FUT8: variants seen among roughly 807,000 people sequenced by gnomAD.
FUT8 encodes fucosyltransferase 8.
FUT8 carries 29 observed loss-of-function variants against 71.3 expected under a neutral mutation model. That is an observed-to-expected ratio of 0.41 (90% confidence interval 0.30 to 0.55). The LOEUF (loss-of-function observed/expected upper bound fraction) is 0.55, where lower values mean the gene tolerates loss of function less well. Ranked by LOEUF, FUT8 falls within the 20% of genes least tolerant of loss-of-function variation. FUT8 has a pLI of 0.34. For missense variants in FUT8, 544 were observed against 702.1 expected (o/e 0.77, Z 2.55); for synonymous variants, 254 against 239.3 (o/e 1.06, Z -0.57).
At chr14:65,675,718 G>C (rs1197397358) in intron 7 of FUT8, among the ~76,000 whole-genome samples, 1 of 152,082 alleles carries the variant, frequency 6.6e-6, no homozygotes. Context: ...GGCCGGGCGC[G>C]GTGGCTCACG....
Position 65,471,243 on chromosome 14 carries a change from A to G in FUT8, c.-228+15525A>G, listed in dbSNP as rs2066142250. ...TCTCTTTTTCTCGGTCAAAGGATAG[A>G]TGGGGCTGGAGTTGGGTATTTCCCT... is the stretch of plus-strand genomic sequence containing the variant. On this transcript the variant is annotated intron_variant, in intron 2 of 10. Transcript: ENST00000673929. 4 of 177,542 alleles carry G rather than the reference A, an allele frequency of 2.3e-5. No homozygotes were observed. In the South Asian group the frequency reaches 6.2e-4, roughly 27 times the overall value. 11.0% of individuals were successfully genotyped at this position (177,542 alleles called of 1,614,324 possible).
intron 7 of FUT8, among the ~76,000 whole-genome samples, chr14:65,691,018 G>A (rs989558592): frequency 2.0e-5 from 3 of 147,372 alleles, no homozygotes; most frequent in Non-Finnish European, 2.9e-5. Context: ...GAGCCACCAC[G>A]CCCAGCCACA....
At position 65,496,340 on chromosome 14, in the gene FUT8, A is replaced by C. The variant is rs143529977; in HGVS notation, c.-228+40622A>C. 5.3e-5 allele frequency among the ~76,000 whole-genome samples: 8 copies of C among 152,318 alleles called. No homozygotes were observed. In the East Asian group the frequency reaches 1.5e-3, roughly 29 times the overall value. ...AGCAACCTCAACCCATCATAGTCCT[A>C]TGACTGCCCTTCTTTCACTTTTAGT... On this transcript the variant is annotated intron_variant, in intron 2 of 10. Coordinates refer to ENST00000673929, the MANE Select transcript of FUT8 (RefSeq NM_001371533.1).
intron 2 of FUT8, among the ~76,000 whole-genome samples, chr14:65,484,825 T>G (rs1253035676): frequency 6.6e-6 from 1 of 152,208 alleles, no homozygotes; most frequent in Non-Finnish European, 1.5e-5. Flanking sequence ...CTCTTTATAT[T>G]CTTTTTGTGT....
At position 65,632,013 on chromosome 14, in the gene FUT8, C is replaced by T. The variant is rs546694837; in HGVS notation, c.597+2407C>T. Among the ~76,000 whole-genome samples the T allele has an allele frequency of 3.3e-5, 5 of 152,330 alleles. No homozygotes were observed. In the South Asian group the frequency reaches 1.0e-3, roughly 32 times the overall value. On this transcript the variant is annotated intron_variant, in intron 6 of 10. Coordinates refer to ENST00000673929, the MANE Select transcript of FUT8 (RefSeq NM_001371533.1). Reference sequence around the variant, plus strand: ...ATAGTCTCCAATCTCATGGAAGTCGCTGCAAATGTCGTTAATTCATTCCTT... The same window carrying T: ...ATAGTCTCCAATCTCATGGAAGTCGTTGCAAATGTCGTTAATTCATTCCTT...
chr14:65,473,985 C>T (rs2066189662), intron 2 of FUT8, among the ~76,000 whole-genome samples: 1 of 152,110 alleles, frequency 6.6e-6, no homozygotes, highest in Non-Finnish European at 1.5e-5. Context: ...AATGAAATAA[C>T]ATTTTTGCAG....
At chr14:65,693,588 T>C (rs1893829563) in intron 7 of FUT8, among the ~76,000 whole-genome samples, 1 of 152,206 alleles carries the variant, frequency 6.6e-6, no homozygotes, top group Non-Finnish European at 1.5e-5. Flanking sequence ...ATTGTTAGGT[T>C]TGATTTGCTA....
intron 2 of FUT8, among the ~76,000 whole-genome samples, chr14:65,549,793 C>T (rs1233621934): frequency 6.6e-6 from 1 of 152,228 alleles, no homozygotes; most frequent in African/African-American, 2.4e-5. Flanking sequence ...GTCCTATCAA[C>T]AGTGGCTACC....
At chr14:65,613,043 C>T (rs536642645) in intron 3 of FUT8, among the ~76,000 whole-genome samples, 1 of 147,010 alleles carries the variant, frequency 6.8e-6, no homozygotes, top group African/African-American at 2.5e-5. Flanking sequence ...ATTTTCTTTT[C>T]CAGTTTTTTT....
intron 7 of FUT8, among the ~76,000 whole-genome samples, chr14:65,677,147 T>TGCGC (rs1450622099): frequency 5.8e-5 from 6 of 102,808 alleles, no homozygotes; most frequent in Admixed American, 2.0e-4. Context: ...TGTGTGTGTG[T>TGCGC]GTGTGCGCGC....
intron 6 of FUT8, among the ~76,000 whole-genome samples, chr14:65,662,005 G>C (rs527789744): frequency 6.6e-6 from 1 of 152,216 alleles, no homozygotes; most frequent in African/African-American, 2.4e-5. Flanking sequence ...TTCAAGTATT[G>C]TTCCTAATTG....
chr14:65,652,261 C>T lies in FUT8; in HGVS notation c.598-16982C>T, dbSNP rs191543606. On this transcript the variant is annotated intron_variant, in intron 6 of 10. Transcript: ENST00000673929. This position sits in a 1 kb window ranked among gnomAD's most constrained non-coding sequence, Gnocchi z 4.0. The stretch of plus-strand genomic sequence containing the variant: ...CCAGAAGCTGGAAAGGCCAGATACT[C>T]GCTTTCCTAGCACCCTCCCTGTTTT... 2.0e-5 allele frequency among the ~76,000 whole-genome samples: 3 copies of T among 152,222 alleles called. No individual in the cohort carries two copies. Among genetic ancestry groups the T allele is most frequent in the African/African-American group, 4.8e-5 (2 of 41,458 alleles).
chr14:65,544,534 TAA>T (rs955989185), intron 2 of FUT8, among the ~76,000 whole-genome samples: 4 of 152,148 alleles, frequency 2.6e-5, no homozygotes, highest in Admixed American at 6.5e-5. Context: ...TCAGCAGTAT[TAA>T]TTTATTTAGG....
the FUT8 span, among the ~76,000 whole-genome samples, chr14:65,403,210 A>G: frequency 6.6e-6 from 1 of 152,190 alleles, no homozygotes; most frequent in African/African-American, 2.4e-5. Flanking sequence ...ATTATATGTA[A>G]TAACTTATTT....
intron 3 of FUT8, among the ~76,000 whole-genome samples, chr14:65,587,188 CAA>C (rs552458003): frequency 4.8e-5 from 3 of 62,872 alleles, no homozygotes; most frequent in Non-Finnish European, 3.4e-5. Flanking sequence ...GACTCTGTCT[CAA>C]AAAAAAAAAA....
chr14:65,437,778 A>G (rs146937784), intron 1 of FUT8, among the ~76,000 whole-genome samples: 2,638 of 152,288 alleles, frequency 0.017, 51 homozygotes, highest in Non-Finnish European at 0.019. Flanking sequence ...AGGAGATTAG[A>G]TGTGCTTTAT....
Position 65,703,525 on chromosome 14 carries a change from C to G in FUT8, c.836-18250C>G, listed in dbSNP as rs77098995. Among the ~76,000 whole-genome samples, 352 of 152,312 alleles carry G rather than the reference C, an allele frequency of 2.3e-3. 1 individual carries two copies. The highest frequency in any genetic ancestry group is 8.4e-3 in the African/African-American group (348 of 41,570). ...TAGCTCTCTTTCTAGAGATTTTACACAGCGCAAAAGGAAGGGAGAGTGGAG... is the reference window on the plus strand; with the variant it reads ...TAGCTCTCTTTCTAGAGATTTTACAGAGCGCAAAAGGAAGGGAGAGTGGAG... On this transcript the variant is annotated intron_variant, in intron 7 of 10. Transcript: ENST00000673929.
intron 7 of FUT8, among the ~76,000 whole-genome samples, chr14:65,691,869 T>G (rs905403026): frequency 4.6e-5 from 7 of 152,208 alleles, no homozygotes; most frequent in Admixed American, 3.3e-4. Context: ...CTTAATCCAT[T>G]TAACCCTGAG....
intron 7 of FUT8, among the ~76,000 whole-genome samples, chr14:65,706,238 T>G (rs766211376): frequency 3.4e-4 from 51 of 152,154 alleles, no homozygotes; most frequent in Non-Finnish European, 6.3e-4. Flanking sequence ...GTCACACAAC[T>G]GGTAAGTGAT....
Sources: allele counts gnomAD v4.1 joint callset (sites outside exome capture counted in the v4.1 genomes callset), GRCh38; gene constraint gnomAD v4.1.1; non-coding constraint Gnocchi (gnomAD v3.1); transcripts MANE v1.5; gene names NCBI Gene and HGNC (gene_info 2026-07-23, HGNC 2026-07-21).